Variants in MSRA observed in about 807,000 individuals in gnomAD.
MSRA encodes methionine sulfoxide reductase A, also known as mitochondrial peptide methionine sulfoxide reductase.
MSRA carries 54 observed loss-of-function variants against 31.3 expected under a neutral mutation model. The observed-to-expected ratio is 1.73, with a 90% CI of 1.39 to 2.17. The LOEUF (loss-of-function observed/expected upper bound fraction) is 2.17. Ranked by LOEUF, MSRA falls within the 30% of genes most tolerant of loss-of-function variation. The pLI is 0.00. For synonymous variants in MSRA, 169 were observed against 116.5 expected, an observed-to-expected ratio of 1.45 and a Z score of -2.90; for missense variants, 507 against 300.9, an observed-to-expected ratio of 1.69 and a Z score of -5.07.
At chr8:10,184,047 ATGT>A (rs1232093092) in intron 1 of MSRA, among the ~76,000 whole-genome samples, 6 of 126,218 alleles carry the variant, frequency 4.8e-5, no homozygotes, top group South Asian at 5.2e-4. Context: ...GGTGTTCGTG[ATGT>A]TGTTGGTGTT....
At chr8:10,277,122 C>T (rs542701492) in intron 3 of MSRA, among the ~76,000 whole-genome samples, 6 of 152,236 alleles carry the variant, frequency 3.9e-5, no homozygotes, top group African/African-American at 7.2e-5. Flanking sequence ...GGAATTAGGA[C>T]GTGTTTTAAA....
intron 1 of MSRA, among the ~76,000 whole-genome samples, chr8:10,068,396 G>A (rs1326892586): frequency 6.6e-6 from 1 of 152,114 alleles, no homozygotes; most frequent in Non-Finnish European, 1.5e-5. Context: ...TTGCCAAACC[G>A]AAGGTCACCT....
At chr8:10,163,252 T>C (rs926230653) in intron 1 of MSRA, among the ~76,000 whole-genome samples, 5 of 152,192 alleles carry the variant, frequency 3.3e-5, no homozygotes, top group Admixed American at 2.6e-4. Flanking sequence ...CAGTTCGTTA[T>C]AGCAGCCCCC....
At chr8:10,169,870 T>C (rs889066028) in intron 1 of MSRA, among the ~76,000 whole-genome samples, 1 of 151,804 alleles carries the variant, frequency 6.6e-6, no homozygotes, top group Admixed American at 6.6e-5. Context: ...AGCTCACTTA[T>C]TTGTTCTTGT....
intron 1 of MSRA, among the ~76,000 whole-genome samples, chr8:10,084,381 T>C (rs1296938274): frequency 1.3e-5 from 2 of 152,252 alleles, no homozygotes; most frequent in Middle Eastern, 3.2e-3. Context: ...CACTGACTCA[T>C]AGGATCTGAT....
At chr8:10,343,028 C>CAT (rs1803531716) in intron 5 of MSRA, among the ~76,000 whole-genome samples, 2 of 90,708 alleles carry the variant, frequency 2.2e-5, no homozygotes, top group African/African-American at 7.3e-5. Context: ...ATTACACACA[C>CAT]ACACACACAC....
chr8:10,213,523 G>A lies in MSRA; in HGVS notation c.211+5622G>A, dbSNP rs754355741. On this transcript the variant is annotated intron_variant, in intron 2 of 5. Transcript: ENST00000317173. The stretch of plus-strand genomic sequence containing the variant: ...GCGACCTCGGCTCACTGCAACCTCC[G>A]CCTCCTGAGTTCAAGCAATTCTCCT... 5.2e-4 allele frequency among the ~76,000 whole-genome samples: 68 copies of A among 131,440 alleles called. 1 individual carries two copies. Among genetic ancestry groups the A allele is most frequent in the African/African-American group, 1.8e-3 (61 of 34,406 alleles). 86.2% of individuals were successfully genotyped at this position (131,440 alleles called of 152,430 possible). A position where few individuals can be genotyped will look rare whatever the true frequency, so the allele number is the denominator to read the frequency against.
intron 5 of MSRA, among the ~76,000 whole-genome samples, chr8:10,403,356 G>A (rs910207486): frequency 6.6e-6 from 1 of 152,180 alleles, no homozygotes; most frequent in Non-Finnish European, 1.5e-5. Context: ...TGGGAAGGCA[G>A]GTGCCGGGCC....
chr8:10,321,850 A>G (rs1425098170), intron 5 of MSRA, among the ~76,000 whole-genome samples: 1 of 152,190 alleles, frequency 6.6e-6, no homozygotes, highest in Admixed American at 6.5e-5. Context: ...CCTGCCTGAC[A>G]GTTTGATTAC....
At chr8:10,066,079 G>A (rs1797441329) in intron 1 of MSRA, among the ~76,000 whole-genome samples, 1 of 151,986 alleles carries the variant, frequency 6.6e-6, no homozygotes, top group Admixed American at 6.6e-5. Flanking sequence ...CTGGAGTGCA[G>A]TGGCATGATC....
intron 1 of MSRA, among the ~76,000 whole-genome samples, chr8:10,079,295 A>G (rs1442768147): frequency 6.6e-6 from 1 of 151,912 alleles, no homozygotes; most frequent in Non-Finnish European, 1.5e-5. Context: ...CATAGCTGGG[A>G]CTAACAGGCA....
In MSRA at chr8:10,165,714, T is replaced by C. The variant is rs76306781; in HGVS notation, c.143-42119T>C. Among the ~76,000 whole-genome samples the C allele has an allele frequency of 5.8e-4, 88 of 152,296 alleles. 1 individual carries two copies. The highest frequency in any genetic ancestry group is 4.4e-4 in the Non-Finnish European group (30 of 68,028). The stretch of plus-strand genomic sequence containing the variant: ...AAGTGGGAGAGTATACACGTGGACA[T>C]TGTAGCTGGAATCTGAGCCTCAGTT... On this transcript the variant is annotated intron_variant, in intron 1 of 5. Coordinates refer to ENST00000317173, the MANE Select transcript of MSRA (RefSeq NM_012331.5).
intron 5 of MSRA, among the ~76,000 whole-genome samples, chr8:10,372,978 C>G (rs1317853227): frequency 6.6e-6 from 1 of 152,238 alleles, no homozygotes; most frequent in Non-Finnish European, 1.5e-5. Context: ...CAACCTCCGC[C>G]TCTGAGGTTC....
intron 3 of MSRA, among the ~76,000 whole-genome samples, chr8:10,291,762 A>G (rs755508622): frequency 2.6e-5 from 4 of 152,108 alleles, no homozygotes; most frequent in South Asian, 4.1e-4. Flanking sequence ...CAGGGAAAGG[A>G]TGAGGGAGGT....
At chr8:10,331,020 G>A (rs1279109449) in intron 5 of MSRA, among the ~76,000 whole-genome samples, 1 of 152,190 alleles carries the variant, frequency 6.6e-6, no homozygotes, top group Non-Finnish European at 1.5e-5. Flanking sequence ...CCAGGGAGCA[G>A]GCTCTTGAGC....
chr8:10,334,046 A>C (rs933682939), intron 5 of MSRA, among the ~76,000 whole-genome samples: 2 of 152,160 alleles, frequency 1.3e-5, no homozygotes, highest in African/African-American at 4.8e-5. Context: ...TGATAACAGC[A>C]GCAGCATTAA....
At chr8:10,257,350 T>C (rs140719473) in intron 3 of MSRA, among the ~76,000 whole-genome samples, 2,596 of 152,330 alleles carry the variant, frequency 0.017, 24 homozygotes, top group Non-Finnish European at 0.026. Context: ...TCTCAATGCA[T>C]TGGACACTGA....
intron 2 of MSRA, among the ~76,000 whole-genome samples, chr8:10,210,737 ATTT>A (rs11343981): frequency 6.1e-4 from 87 of 142,108 alleles, no homozygotes; most frequent in African/African-American, 1.9e-3. Context: ...TTATAATGTC[ATTT>A]TTTTTTTTTT....
At chr8:10,279,437 C>G (rs1040318823) in intron 3 of MSRA, among the ~76,000 whole-genome samples, 3 of 152,114 alleles carry the variant, frequency 2.0e-5, no homozygotes, top group African/African-American at 7.2e-5. Context: ...TAACAACTCC[C>G]TTTGGCATCT....
Sources: allele counts gnomAD v4.1 joint callset (sites outside exome capture counted in the v4.1 genomes callset), GRCh38; gene constraint gnomAD v4.1.1; transcripts MANE v1.5; gene names NCBI Gene and HGNC (gene_info 2026-07-23, HGNC 2026-07-21).